EPB41L3: variants seen among roughly 807,000 people sequenced by gnomAD.
EPB41L3 encodes band 4.1-like protein 3.
In EPB41L3, 57 loss-of-function variants were observed where a neutral mutation model predicts 127.1. That is an observed-to-expected ratio of 0.45 (90% CI 0.36 to 0.56). The LOEUF is 0.56. Among genes scored for constraint, EPB41L3 ranks in the 20% least tolerant of loss-of-function variants. The pLI, the probability that EPB41L3 is intolerant of heterozygous loss-of-function variation, is 0.00. For synonymous variants in EPB41L3, 572 were observed against 549.5 expected (o/e 1.04, Z -0.57); for missense variants, 1,273 against 1,372.2 (o/e 0.93, Z 1.14).
chr18:5,403,604 A>AAAAC (rs2074881245), intron 16 of EPB41L3, among the ~76,000 whole-genome samples: 1 of 151,320 alleles, frequency 6.6e-6, no homozygotes, highest in Non-Finnish European at 1.5e-5. Flanking sequence ...AAAAAAAAAA[A>AAAAC]AACAACAACA....
intron 1 of EPB41L3, among the ~76,000 whole-genome samples, chr18:5,512,505 T>C (rs1000191691): frequency 6.6e-6 from 1 of 152,050 alleles, no homozygotes; most frequent in Admixed American, 6.6e-5. Flanking sequence ...TTAGGAGCAA[T>C]GGAGAACGAG....
At chr18:5,421,982 A>T (rs189058014) in intron 11 of EPB41L3, among the ~76,000 whole-genome samples, 16 of 152,328 alleles carry the variant, frequency 1.1e-4, no homozygotes, top group African/African-American at 1.7e-4. Flanking sequence ...CTGAAATTTT[A>T]AAAAAATGTG....
chr18:5,579,426 G>A (rs1254062556), intron 3 of EPB41L3, among the ~76,000 whole-genome samples: 1 of 152,202 alleles, frequency 6.6e-6, no homozygotes, highest in African/African-American at 2.4e-5. Context: ...AAACACCGAT[G>A]AATACATATC....
intron 3 of EPB41L3, among the ~76,000 whole-genome samples, chr18:5,475,474 A>G (rs2086987094): frequency 6.6e-6 from 1 of 152,228 alleles, no homozygotes; most frequent in Non-Finnish European, 1.5e-5. Context: ...TGTGCAACGC[A>G]GGAAACAGGA....
intron 3 of EPB41L3, among the ~76,000 whole-genome samples, chr18:5,595,035 A>G (rs1785411): frequency 0.7 from 106,341 of 152,096 alleles, 37,293 homozygotes; most frequent in South Asian, 0.73. Context: ...CAATGTATTC[A>G]TTGTTAGATC....
chr18:5,488,042 GT>G (rs1439653020), intron 2 of EPB41L3, among the ~76,000 whole-genome samples: 2 of 152,096 alleles, frequency 1.3e-5, no homozygotes, highest in Non-Finnish European at 2.9e-5. Flanking sequence ...CAAGTTTGAA[GT>G]TTTAAGACAA....
intron 11 of EPB41L3, among the ~76,000 whole-genome samples, chr18:5,421,191 AT>A (rs2077428709): frequency 6.6e-6 from 1 of 152,198 alleles, no homozygotes; most frequent in Non-Finnish European, 1.5e-5. Context: ...TGATTTCACA[AT>A]TGTCTTCTGT....
intron 1 of EPB41L3, among the ~76,000 whole-genome samples, chr18:5,514,404 A>G (rs185815305): frequency 5.3e-4 from 81 of 152,344 alleles, no homozygotes; most frequent in Non-Finnish European, 1.0e-3. Context: ...CACATTGCAT[A>G]AGTGGTAAAA....
chr18:5,541,638 T>C (rs2093733369), intron 1 of EPB41L3, among the ~76,000 whole-genome samples: 1 of 151,322 alleles, frequency 6.6e-6, no homozygotes, highest in Non-Finnish European at 1.5e-5. Context: ...CCGATCAAGT[T>C]AAAAAAAATC....
intron 3 of EPB41L3, among the ~76,000 whole-genome samples, chr18:5,554,591 C>A (rs1313404893): frequency 6.6e-6 from 1 of 152,140 alleles, no homozygotes; most frequent in African/African-American, 2.4e-5. Context: ...CTAAGGAAAA[C>A]CCCATTCCTT....
rs140438296 is a variant in EPB41L3 at position 5,556,990 on chromosome 18, G to A, written c.-306+55350C>T. Among the ~76,000 whole-genome samples the A allele has an allele frequency of 2.3e-3, 339 of 146,650 alleles. 2 individuals carry two copies. The highest frequency in any genetic ancestry group is 7.8e-3 in the African/African-American group (321 of 41,152). On this transcript the variant is annotated intron_variant, in intron 3 of 21. Transcript: ENST00000545076. ...CCAGCACAGCTGGGGGGCCCCGGGG[G>A]TCTCCCTCCTTCCTCTCACCTCTGT...
At position 5,398,078 on chromosome 18, in the gene EPB41L3, C is replaced by T. The variant is rs1200791161; in HGVS notation, c.2415G>A (p.Ala805=). Residue 805 remains alanine, a synonymous_variant, in exon 17 of 23, where the codon GCG becomes GCA. Coordinates refer to ENST00000341928, the MANE Select transcript of EPB41L3 (RefSeq NM_012307.5). ...CTCCTATGAATTCTGTTGGTTTTCG[C>T]GCAGACTCTAATAAACTGAAGATTT... ...GSEIFSLLES[A]RKPTEFIGGV... 2.3e-5 allele frequency: 37 copies of T among 1,613,958 alleles called. No individual in the cohort carries two copies. Among genetic ancestry groups the T allele is most frequent in the South Asian group, 5.5e-5 (5 of 91,074 alleles).
chr18:5,565,801 T>G (rs1238434558), intron 3 of EPB41L3, among the ~76,000 whole-genome samples: 2 of 152,008 alleles, frequency 1.3e-5, no homozygotes, highest in East Asian at 3.9e-4. Context: ...GCAAAAGACA[T>G]GAACTCATCA....
At chr18:5,476,827 A>G (rs2087330941) in intron 3 of EPB41L3, among the ~76,000 whole-genome samples, 1 of 152,208 alleles carries the variant, frequency 6.6e-6, no homozygotes, top group South Asian at 2.1e-4. Context: ...TAGATGAGTA[A>G]TTGGACACGC....
At chr18:5,522,893 G>A (rs985411206) in intron 1 of EPB41L3, among the ~76,000 whole-genome samples, 5 of 152,160 alleles carry the variant, frequency 3.3e-5, no homozygotes, top group African/African-American at 9.7e-5. Flanking sequence ...TGATGAATAA[G>A]TGAATAAACG....
chr18:5,545,252 C>T (rs1001601047), upstream of EPB41L3, among the ~76,000 whole-genome samples: 5 of 152,162 alleles, frequency 3.3e-5, no homozygotes, highest in African/African-American at 1.2e-4. Context: ...CCGGTTGCCC[C>T]TCCAGGAGCT....
chr18:5,595,411 C>G (rs1353262811), intron 3 of EPB41L3, among the ~76,000 whole-genome samples: 1 of 152,166 alleles, frequency 6.6e-6, no homozygotes, highest in Non-Finnish European at 1.5e-5. Flanking sequence ...CAGGAATACA[C>G]TGTCTCCTGG....
intron 10 of EPB41L3, 151 bp from the exon 11 acceptor site, chr18:5,423,704 T>C (rs2145250704): frequency 1.4e-6 from 1 of 709,728 alleles, no homozygotes; most frequent in Admixed American, 3.0e-5. Context: ...CATAAAAGAA[T>C]GCATATAGTA....
intron 8 of EPB41L3, among the ~76,000 whole-genome samples, chr18:5,429,687 G>A (rs371843176): frequency 6.6e-6 from 1 of 152,176 alleles, no homozygotes; most frequent in Non-Finnish European, 1.5e-5. Context: ...CTTTGGAAAC[G>A]TATCACTCCA....
Sources: gnomAD v4.1 joint callset for allele counts (sites outside exome capture counted in the v4.1 genomes callset) on GRCh38, gnomAD v4.1.1 for gene constraint, MANE v1.5 for transcripts, NCBI Gene and HGNC (gene_info 2026-07-23, HGNC 2026-07-21) for gene names.